Variants in TEDC2 observed in about 807,000 individuals in gnomAD.
The protein encoded by TEDC2 is tubulin epsilon and delta complex protein 2.
Under a neutral mutation model 48.1 loss-of-function variants are expected in TEDC2, and 49 were observed. That is an observed-to-expected ratio of 1.02 (90% CI 0.81 to 1.29). The LOEUF (loss-of-function observed/expected upper bound fraction) is 1.29. TEDC2 is among the 50% of genes most tolerant of loss of function. TEDC2 has a pLI of 0.00. For missense variants in TEDC2, 631 were observed against 571.4 expected, an observed-to-expected ratio of 1.10 and a Z score of -1.06; for synonymous variants, 299 against 247.1, an observed-to-expected ratio of 1.21 and a Z score of -1.97.
Position 2,462,690 on chromosome 16 carries a change from ATGG to A in TEDC2, c.926_928del (p.Val309del), listed in dbSNP as rs891634395. On this transcript the variant is annotated inframe_deletion, in exon 8 of 10. Transcript: ENST00000361837. The stretch of plus-strand genomic sequence containing the variant: ...GCTCACGCTGGAGGGGCTGCAGGCC[ATGG>A]TGGGCCAGTGTCTGCACAGGCTGCA... The A allele has an allele frequency of 1.3e-6, 2 of 1,545,610 alleles. No homozygotes were observed. The highest frequency in any genetic ancestry group is 1.7e-6 in the Non-Finnish European group (2 of 1,146,966).
In TEDC2 at chr16:2,460,835, A is replaced by G; in HGVS notation, c.216A>G (p.Gln72=). 2 of 1,612,888 alleles carry G rather than the reference A, an allele frequency of 1.2e-6. No homozygotes were observed. Among genetic ancestry groups the G allele is most frequent in the South Asian group, 2.2e-5 (2 of 91,076 alleles). ...TCACAGCATGCACACCCAGTCCACA[A>G]GACCTCAAAGAGTTGGAGTTTCTGA... ...DPLPACTPSP[Q]DLKELEFLTQ... The change falls in exon 4 of 10, where the codon CAA becomes CAG. Residue 72 remains glutamine (Q), a synonymous_variant. Coordinates refer to ENST00000361837, the MANE Select transcript of TEDC2 (RefSeq NM_025108.3).
chr16:2,462,609 G>C, intron 7 of TEDC2, 22 bp from the exon 8 acceptor site: 1 of 1,538,246 alleles, frequency 6.5e-7, no homozygotes, highest in Non-Finnish European at 8.8e-7. Flanking sequence ...GGCCCCACCT[G>C]CTCTCCCTGA....
intron 2 of TEDC2, 83 bp from the exon 3 acceptor site, chr16:2,460,540 C>A (rs2065459301): frequency 3.8e-6 from 6 of 1,566,020 alleles, no homozygotes; most frequent in Non-Finnish European, 5.2e-6. Context: ...TGGGGGCCTG[C>A]CGCGGGGCCC....
rs759777995 is a variant in TEDC2, at chr16:2,460,781, G to A, written c.197-35G>A. 6 of 1,610,742 alleles carry A rather than the reference G, an allele frequency of 3.7e-6. No individual in the cohort carries two copies. The Admixed American group carries it at 5.0e-5, about 13-fold the overall frequency. ...TGAGGAACCCTCCTGGGGGACAGTGGGGAGAGATCCCTGCATAATTCTTGG... is the reference window on the plus strand; with the variant it reads ...TGAGGAACCCTCCTGGGGGACAGTGAGGAGAGATCCCTGCATAATTCTTGG... On this transcript the variant is annotated intron_variant, in intron 3 of 9. Coordinates refer to ENST00000361837, the MANE Select transcript of TEDC2 (RefSeq NM_025108.3).
rs2065484004 is a variant in TEDC2, at chr16:2,464,065, T to C, written c.991T>C (p.Cys331Arg). ...AAVAEQPPRP[C>R]PVGRPPGASP... ...GGTGGCGGAACAGCCACCAAGACCA[T>C]GTCCTGTGGGGAGGCCCCCCGGAGC... Residue 331 changes from cysteine to arginine, a missense_variant, in exon 9 of 10, where the codon TGT becomes CGT. By Grantham distance (180) the Cys-to-Arg change is radical. Coordinates refer to ENST00000361837, the MANE Select transcript of TEDC2 (RefSeq NM_025108.3). 2 of 1,612,576 alleles carry C rather than the reference T, an allele frequency of 1.2e-6. No individual in the cohort carries two copies. Among genetic ancestry groups the C allele is most frequent in the East Asian group, 2.2e-5 (1 of 44,846 alleles).
Position 2,460,399 on chromosome 16 carries a change from C to A in TEDC2, c.125+18C>A, listed in dbSNP as rs1466179088. ...CATGCCTGGTACGCGGACCCCGGAC[C>A]CACTGGCCAGACCTCCCTCGGGCCC... On this transcript the variant is annotated intron_variant, in intron 2 of 9. Transcript: ENST00000361837. The A allele has an allele frequency of 1.9e-6, 3 of 1,544,530 alleles. No individual in the cohort carries two copies. The African/African-American group carries it at 4.1e-5, about 21-fold the overall frequency.
rs2065460741 is a variant in TEDC2 at position 2,460,705 on chromosome 16, C to G, written c.196+12C>G. The G allele has an allele frequency of 6.2e-6, 10 of 1,612,894 alleles. No individual in the cohort carries two copies. The East Asian group carries it at 2.2e-4, about 36-fold the overall frequency. ...GGACCCCCTTCCAGGTAAACCTCCA[C>G]CACCCGCCTTCTCCAGGTGCTGCTC... On this transcript the variant is annotated intron_variant, in intron 3 of 9. Transcript: ENST00000361837.
In TEDC2 at chr16:2,464,112, A is replaced by G. The variant is rs912784904; in HGVS notation, c.1038A>G (p.Arg346=). The stretch of plus-strand genomic sequence containing the variant: ...GAGCCTCGCCGTCCTGTGGGGGTAG[A>G]GCGGAGCCTGCATGGAGCCCCCAGC... ...PPGASPSCGG[R]AEPAWSPQLL... The change falls in exon 9 of 10, where the codon AGA becomes AGG. Residue 346 remains arginine (R), a synonymous_variant. Transcript: ENST00000361837. 1 of 1,612,786 alleles carries G rather than the reference A, an allele frequency of 6.2e-7. No individual in the cohort carries two copies. Among genetic ancestry groups the G allele is most frequent in the Non-Finnish European group, 8.5e-7 (1 of 1,179,972 alleles).
chr16:2,464,053 C>T lies in TEDC2; in HGVS notation c.979C>T (p.Pro327Ser), dbSNP rs779576847. Residue 327 changes from proline (P) to serine (S), a missense_variant, in exon 9 of 10, where the codon CCA (proline) becomes TCA (serine). Transcript: ENST00000361837. ...TGTGCACACAGCGGTGGCGGAACAG[C>T]CACCAAGACCATGTCCTGTGGGGAG... ...QELRAAVAEQPPRPCPVGRPP... is the reference protein window; with the variant it reads ...QELRAAVAEQSPRPCPVGRPP... The T allele has an allele frequency of 3.7e-6, 6 of 1,612,218 alleles. No homozygotes were observed. The highest frequency in any genetic ancestry group is 1.7e-5 in the Admixed American group (1 of 59,992).
Position 2,464,777 on chromosome 16 carries a change from A to C in TEDC2, c.*109A>C. 3 of 1,449,058 alleles carry C rather than the reference A, an allele frequency of 2.1e-6. No individual in the cohort carries two copies. The highest frequency in any genetic ancestry group is 1.4e-5 in the African/African-American group (1 of 71,454). 89.8% of individuals were successfully genotyped at this position (1,449,058 alleles called of 1,614,324 possible). Reference sequence around the variant, plus strand: ...CTGTGCTTCCCTGGGAAACCTGGTGAACTGGACCAGGTGGCCTCACTGGCT... The same window carrying C: ...CTGTGCTTCCCTGGGAAACCTGGTGCACTGGACCAGGTGGCCTCACTGGCT... On this transcript the variant is annotated 3_prime_UTR_variant, in exon 10 of 10. Transcript: ENST00000361837.
chr16:2,462,271 G>A (rs374892216), intron 6 of TEDC2, 32 bp downstream of exon 6: 53 of 1,610,532 alleles, frequency 3.3e-5, no homozygotes, highest in Non-Finnish European at 4.3e-5. Context: ...GAGCCCTGGG[G>A]GCCTCTAGCT....
rs775113883 is a variant in TEDC2 at position 2,461,064 on chromosome 16, G to T, written c.445G>T (p.Ala149Ser). Residue 149 changes from alanine to serine, a missense_variant, in exon 4 of 10, where the codon GCC becomes TCC. Physicochemically the swap from Ala to Ser is moderately conservative, Grantham distance 99 (BLOSUM62 1). Coordinates refer to ENST00000361837, the MANE Select transcript of TEDC2 (RefSeq NM_025108.3). ...TKGLRQTTVP[A>S]KGHPERRLLS... ...GGGCCTCCGCCAGACCACGGTGCCT[G>T]CCAAGGGCCACCCTGAGCGCCGGCT... 17 of 1,603,514 alleles carry T rather than the reference G, an allele frequency of 1.1e-5. No individual in the cohort carries two copies. Among genetic ancestry groups the T allele is most frequent in the Non-Finnish European group, 1.4e-5 (16 of 1,173,386 alleles).
At position 2,464,040 on chromosome 16, in the gene TEDC2, G is replaced by A. The variant is rs760852706; in HGVS notation, c.966G>A (p.Ala322=). ...CLHRLQELRA[A]VAEQPPRPCP... is the part of the protein sequence containing the mutation. ...GGCCACATTCTCCTGTGCACACAGC[G>A]GTGGCGGAACAGCCACCAAGACCAT... is the stretch of plus-strand genomic sequence containing the variant. Residue 322 remains alanine (A), a splice_region_variant and synonymous_variant, in exon 9 of 10, where the codon GCG becomes GCA. Coordinates refer to ENST00000361837, the MANE Select transcript of TEDC2 (RefSeq NM_025108.3). 2.5e-5 allele frequency: 40 copies of A among 1,611,744 alleles called. No homozygotes were observed. The highest frequency in any genetic ancestry group is 8.9e-5 in the East Asian group (4 of 44,850).
At chr16:2,463,911 T>C in intron 8 of TEDC2, 128 bp from the exon 9 acceptor site, 1 of 1,059,718 alleles carries the variant, frequency 9.4e-7, no homozygotes, top group Non-Finnish European at 1.3e-6. Flanking sequence ...CATGGGGCTG[T>C]CCTGAAAGCC....
In TEDC2 at chr16:2,464,145, C is replaced by G. The variant is rs540503679; in HGVS notation, c.1071C>G (p.Val357=). 5.2e-5 allele frequency: 84 copies of G among 1,612,740 alleles called. 3 individuals are homozygous for G. The South Asian group carries it at 8.0e-4, about 15-fold the overall frequency. ...AEPAWSPQLL[V]YSSTQELQTL... ...CTGCATGGAGCCCCCAGCTGCTTGTCTACTCCAGCACCCAGGAGCTGCAGA... is the reference window on the plus strand; with the variant it reads ...CTGCATGGAGCCCCCAGCTGCTTGTGTACTCCAGCACCCAGGAGCTGCAGA... Residue 357 remains valine, a synonymous_variant, in exon 9 of 10, where the codon GTC becomes GTG. Transcript: ENST00000361837.
Position 2,461,210 on chromosome 16 carries a change from A to G in TEDC2, c.591A>G (p.Thr197=), listed in dbSNP as rs746464873. 2.0e-6 allele frequency: 3 copies of G among 1,478,384 alleles called. No individual in the cohort carries two copies. Among genetic ancestry groups the G allele is most frequent in the Non-Finnish European group, 1.8e-6 (2 of 1,113,980 alleles). The allele number at this position is 1,478,384 out of a possible 1,614,324, so 91.6% of individuals were successfully genotyped here. The change falls in exon 4 of 10, where the codon ACA becomes ACG. Residue 197 remains threonine, a synonymous_variant. Coordinates refer to ENST00000361837, the MANE Select transcript of TEDC2 (RefSeq NM_025108.3). Reference sequence around the variant, plus strand: ...CTCCTCAGGCCCCAGAAGCCTTCACACTCAAGGAGAAGGGGTAGGTTTCCC... The same window carrying G: ...CTCCTCAGGCCCCAGAAGCCTTCACGCTCAAGGAGAAGGGGTAGGTTTCCC... ...SAAPQAPEAF[T]LKEKGHLLRL... is the part of the protein sequence containing the mutation.
intron 1 of TEDC2, 28 bp from the exon 2 acceptor site, chr16:2,460,255 G>C: frequency 6.6e-7 from 1 of 1,504,726 alleles, no homozygotes; most frequent in Non-Finnish European, 8.8e-7. Flanking sequence ...CGCTGGCCGA[G>C]GTGCTGAGCC....
At position 2,460,136 on chromosome 16, in the gene TEDC2, G is replaced by T. The variant is rs1400280494; in HGVS notation, c.-9G>T. 3.7e-6 allele frequency: 5 copies of T among 1,347,834 alleles called. No homozygotes were observed. Among genetic ancestry groups the T allele is most frequent in the Non-Finnish European group, 4.7e-6 (5 of 1,058,438 alleles). 83.5% of individuals were successfully genotyped at this position (1,347,834 alleles called of 1,614,324 possible). On this transcript the variant is annotated 5_prime_UTR_variant, in exon 1 of 10. Coordinates refer to ENST00000361837, the MANE Select transcript of TEDC2 (RefSeq NM_025108.3). Reference sequence around the variant, plus strand: ...AGGCGGCAAATTGCAAGGAGACGCCGCCGCCTTCATGCTGCCGGCGGGCTG... The same window carrying T: ...AGGCGGCAAATTGCAAGGAGACGCCTCCGCCTTCATGCTGCCGGCGGGCTG...
rs2141836890 is a variant in TEDC2, at chr16:2,460,159, C to G, written c.15C>G (p.Gly5=). The G allele has an allele frequency of 7.4e-7, 1 of 1,342,938 alleles. No homozygotes were observed. The highest frequency in any genetic ancestry group is 9.5e-7 in the Non-Finnish European group (1 of 1,055,050). The allele number at this position is 1,342,938 out of a possible 1,614,324, so 83.2% of individuals were successfully genotyped here. A position where few individuals can be genotyped will look rare whatever the true frequency, so the allele number is the denominator to read the frequency against. The change falls in exon 1 of 10, where the codon GGC becomes GGG. Residue 5 remains glycine, a synonymous_variant. Coordinates refer to ENST00000361837, the MANE Select transcript of TEDC2 (RefSeq NM_025108.3). The part of the protein sequence containing the change: MLPA[G]CSRRLVAELQ... ...CCGCCGCCTTCATGCTGCCGGCGGG[C>G]TGCTCGCGCCGGTGAGGCCTGCGCG...
Sources: gnomAD v4.1 joint callset for allele counts on GRCh38, gnomAD v4.1.1 for gene constraint, MANE v1.5 for transcripts, NCBI Gene and HGNC (gene_info 2026-07-23, HGNC 2026-07-21) for gene names.